Variants in SHF observed in about 807,000 individuals in gnomAD.
SHF encodes SH2 domain-containing adapter protein F.
In SHF, 30 loss-of-function variants were observed where a neutral mutation model predicts 42.4. That is an observed-to-expected ratio of 0.71 (90% CI 0.53 to 0.96). The LOEUF (loss-of-function observed/expected upper bound fraction) is 0.96, where lower values mean the gene tolerates loss of function less well. Among genes scored for constraint, SHF ranks in the 40% least tolerant of loss-of-function variants. The pLI is 0.00. For missense variants in SHF, 598 were observed against 634.0 expected (o/e 0.94, Z 0.61); for synonymous variants, 264 against 269.9 (o/e 0.98, Z 0.21).
At chr15:45,189,306 G>A (rs576528296), upstream of SHF, among the ~76,000 whole-genome samples, 3 of 151,598 alleles carry the variant, frequency 2.0e-5, no homozygotes, top group East Asian at 5.8e-4. Context: ...GCTCTGCTGG[G>A]AAAGCAGCTG....
intron 2 of SHF, among the ~76,000 whole-genome samples, chr15:45,193,001 G>T (rs1332482226): frequency 6.6e-6 from 1 of 152,128 alleles, no homozygotes; most frequent in Non-Finnish European, 1.5e-5. Context: ...TGGTTAAGCT[G>T]GAGTCCACCG....
intron 2 of SHF, among the ~76,000 whole-genome samples, chr15:45,195,014 C>T (rs1178017943): frequency 6.6e-6 from 1 of 151,820 alleles, no homozygotes; most frequent in Non-Finnish European, 1.5e-5. Flanking sequence ...ATTTTTTTTG[C>T]AGAGATGAGG....
intron 1 of SHF, among the ~76,000 whole-genome samples, chr15:45,199,456 C>T (rs1595652638): frequency 6.6e-6 from 1 of 152,316 alleles, no homozygotes; most frequent in East Asian, 1.9e-4. Context: ...CCTGTCTCTC[C>T]AATGTCACCC....
chr15:45,200,518 C>T (rs984993312), intron 1 of SHF: 9 of 357,302 alleles, frequency 2.5e-5, no homozygotes, highest in Non-Finnish European at 4.4e-5. Context: ...CGGCTTGTCG[C>T]CTGAACTCTT....
chr15:45,194,529 T>C (rs956285636), intron 2 of SHF, among the ~76,000 whole-genome samples: 2 of 152,048 alleles, frequency 1.3e-5, no homozygotes, highest in African/African-American at 4.8e-5. Flanking sequence ...TTTTTGTATT[T>C]TTAGTAGAGA....
chr15:45,188,502 A>G (rs1898592300), upstream of SHF, among the ~76,000 whole-genome samples: 1 of 152,052 alleles, frequency 6.6e-6, no homozygotes, highest in Non-Finnish European at 1.5e-5. Flanking sequence ...CTCCCATCCA[A>G]CCGTACGCAC....
Position 45,173,565 on chromosome 15 carries a change from C to G in SHF, c.988+11G>C. The G allele has an allele frequency of 6.6e-7, 1 of 1,506,020 alleles. No homozygotes were observed. The highest frequency in any genetic ancestry group is 8.9e-7 in the Non-Finnish European group (1 of 1,126,790). The allele number at this position is 1,506,020 out of a possible 1,614,324, so 93.3% of individuals were successfully genotyped here. ...ACATGTCACCCTGGCCAGAAGCCCC[C>G]CAGGACCCACCGCTGCTGTCCTCCA... On this transcript the variant is annotated intron_variant, in intron 4 of 6. Transcript: ENST00000690270.
intron 1 of SHF, among the ~76,000 whole-genome samples, chr15:45,186,771 G>A (rs1190678060): frequency 2.0e-5 from 3 of 152,280 alleles, no homozygotes; most frequent in Non-Finnish European, 4.4e-5. Flanking sequence ...TCATACCTGA[G>A]AGGACGAGGG....
At chr15:45,195,581 A>G in intron 2 of SHF, among the ~76,000 whole-genome samples, 1 of 152,176 alleles carries the variant, frequency 6.6e-6, no homozygotes, top group East Asian at 1.9e-4. Context: ...TTTTAAATAA[A>G]TTTAATACAG....
chr15:45,181,631 C>A (rs181734388), intron 1 of SHF, among the ~76,000 whole-genome samples: 17 of 152,348 alleles, frequency 1.1e-4, no homozygotes, highest in African/African-American at 4.1e-4. Flanking sequence ...GGCGTCCTCT[C>A]CAGACTCCAT....
intron 2 of SHF, among the ~76,000 whole-genome samples, chr15:45,198,169 T>C (rs1595650712): frequency 6.6e-6 from 1 of 152,108 alleles, no homozygotes; most frequent in East Asian, 1.9e-4. Flanking sequence ...AGCTACTCAG[T>C]TGGCTGAGGC....
chr15:45,168,397 G>A (rs1022234216), intron 6 of SHF, among the ~76,000 whole-genome samples: 3 of 152,162 alleles, frequency 2.0e-5, no homozygotes, highest in African/African-American at 7.2e-5. Flanking sequence ...GTGTGTGCAG[G>A]TGGAAACTGA....
chr15:45,174,065 C>T (rs927993703), intron 3 of SHF, among the ~76,000 whole-genome samples: 2 of 152,150 alleles, frequency 1.3e-5, no homozygotes, highest in Non-Finnish European at 2.9e-5. Flanking sequence ...TAAGAGTGAC[C>T]AGCACCTCCC....
Position 45,187,816 on chromosome 15 carries a change from C to T in SHF, c.136G>A (p.Gly46Arg). The T allele has an allele frequency of 1.1e-6, 1 of 911,990 alleles. No homozygotes were observed. The highest frequency in any genetic ancestry group is 5.1e-5 in the South Asian group (1 of 19,604). The allele number at this position is 911,990 out of a possible 1,614,324, so 56.5% of individuals were successfully genotyped here. The change falls in exon 1 of 7, where the codon GGA becomes AGA. Residue 46 changes from glycine to arginine, a missense_variant. Coordinates refer to ENST00000690270, the MANE Select transcript of SHF (RefSeq NM_001394037.1). ...TGCTCCCGGAGCCACTTGGCTACTC[C>T]GCCGCTGCCGCCCCCTCCTGGGCCG... Reference protein sequence around the residue: ...GAGPGGGGSGGVAKWLREHLG... With the variant: ...GAGPGGGGSGRVAKWLREHLG...
exon 1 of SHF, chr15:45,200,786 T>C (rs1338575948): frequency 4.4e-6 from 2 of 456,230 alleles, no homozygotes; most frequent in Admixed American, 2.3e-5. Context: ...TCTTGTAAAA[T>C]TTAAGAGCTC....
At chr15:45,173,521 A>G (rs1897632268) in intron 4 of SHF, 55 bp downstream of exon 4, 45 of 1,434,870 alleles carry the variant, frequency 3.1e-5, no homozygotes, top group Non-Finnish European at 4.1e-5. Context: ...CCCAACCCAC[A>G]GGGCCTGGAG....
At chr15:45,177,253 G>T (rs974575693) in intron 2 of SHF, among the ~76,000 whole-genome samples, 1 of 152,152 alleles carries the variant, frequency 6.6e-6, no homozygotes, top group African/African-American at 2.4e-5. Context: ...GCTTGGATGG[G>T]GACAAGCTCT....
chr15:45,170,049 G>A (rs1278390476), intron 6 of SHF, among the ~76,000 whole-genome samples: 1 of 152,232 alleles, frequency 6.6e-6, no homozygotes, highest in East Asian at 1.9e-4. Flanking sequence ...AGGTCTCCAG[G>A]CCTGCCTTGC....
At chr15:45,192,358 A>ATTTT (rs1193075020), upstream of SHF, among the ~76,000 whole-genome samples, 225 of 75,546 alleles carry the variant, frequency 3.0e-3, 28 homozygotes, top group African/African-American at 0.013. Flanking sequence ...CTGATTCCAG[A>ATTTT]TTTTTTTTTT....
Sources: gnomAD v4.1 joint callset for allele counts (sites outside exome capture counted in the v4.1 genomes callset) on GRCh38, gnomAD v4.1.1 for gene constraint, MANE v1.5 for transcripts, NCBI Gene and HGNC (gene_info 2026-07-23, HGNC 2026-07-21) for gene names.